Variants in ANXA13 observed in about 807,000 individuals in gnomAD.
ANXA13 encodes annexin A13.
In ANXA13, 36 loss-of-function variants were observed where a neutral mutation model predicts 46.6. The observed-to-expected ratio is 0.77, with a 90% CI of 0.59 to 1.02. The LOEUF is 1.02. Ranked by LOEUF, ANXA13 falls within the 50% of genes least tolerant of loss-of-function variation. ANXA13 has a pLI of 0.00. For synonymous variants in ANXA13, 163 were observed against 152.9 expected (o/e 1.07, Z -0.49); for missense variants, 417 against 396.5 (o/e 1.05, Z -0.44).
rs1352909025 is a variant in ANXA13 at position 123,702,650 on chromosome 8, A to C, written c.178T>G (p.Tyr60Asp). The C allele has an allele frequency of 6.2e-7, 1 of 1,614,092 alleles. No homozygotes were observed. Among genetic ancestry groups the C allele is most frequent in the Non-Finnish European group, 8.5e-7 (1 of 1,179,958 alleles). ...QQIKQKYKAT[Y>D]GKELEEVLKS... ...ACCACCCCTGGAATCACCTTGCCGTACGTTGCCTTGTACTTTTGCTTGATT... is the reference window on the plus strand; with the variant it reads ...ACCACCCCTGGAATCACCTTGCCGTCCGTTGCCTTGTACTTTTGCTTGATT... The change falls in exon 3 of 11, where the codon TAC becomes GAC. Residue 60 changes from tyrosine (Y) to aspartate (D), a missense_variant. Physicochemically the swap from Tyr to Asp is radical, Grantham distance 160. Transcript: ENST00000419625.
At chr8:123,694,620 G>A (rs971583749) in intron 6 of ANXA13, among the ~76,000 whole-genome samples, 1 of 152,158 alleles carries the variant, frequency 6.6e-6, no homozygotes, top group Non-Finnish European at 1.5e-5. Context: ...AATGAGCTTG[G>A]AAGAAGACTC....
Position 123,681,300 on chromosome 8 carries a change from G to T in ANXA13, c.891C>A (p.Asp297Glu). 1.9e-6 allele frequency: 3 copies of T among 1,614,170 alleles called. No individual in the cohort carries two copies. The highest frequency in any genetic ancestry group is 2.5e-6 in the Non-Finnish European group (3 of 1,179,980). The change falls in exon 11 of 11, where the codon GAC becomes GAA. Residue 297 changes from aspartate (D) to glutamate (E), a missense_variant. Asp to Glu is a conservative substitution (Grantham distance 45). Transcript: ENST00000419625. ...FQEKYQKSLS[D>E]MVRSDTSGDF... ...CCCCGGAGGTATCTGAGCGAACCATGTCAGAGAGAGACTTCTGATACTTCT... is the reference window on the plus strand; with the variant it reads ...CCCCGGAGGTATCTGAGCGAACCATTTCAGAGAGAGACTTCTGATACTTCT...
chr8:123,695,433 A>T, intron 6 of ANXA13, 69 bp downstream of exon 6: 7 of 1,200,218 alleles, frequency 5.8e-6, no homozygotes, highest in Admixed American at 1.9e-5. Context: ...ACCCTTTTTC[A>T]TCATGGTGCC....
At chr8:123,705,554 T>C (rs1267457763) in intron 2 of ANXA13, among the ~76,000 whole-genome samples, 1 of 152,160 alleles carries the variant, frequency 6.6e-6, no homozygotes, top group Non-Finnish European at 1.5e-5. Context: ...ATCACTGCAG[T>C]GATTATCCAA....
At chr8:123,700,050 GCCTGGGAGAAAAA>G (rs1013550213) in intron 3 of ANXA13, among the ~76,000 whole-genome samples, 1 of 152,204 alleles carries the variant, frequency 6.6e-6, no homozygotes, top group African/African-American at 2.4e-5. Flanking sequence ...TGAGCTCTTG[GCCTGGGAGAAAAA>G]CCCGGAATAT....
At chr8:123,710,323 A>G (rs1469020734) in intron 2 of ANXA13, among the ~76,000 whole-genome samples, 1 of 152,206 alleles carries the variant, frequency 6.6e-6, no homozygotes, top group East Asian at 1.9e-4. Context: ...CTGTGGAGAC[A>G]GAAAGCTGAT....
Position 123,681,031 on chromosome 8 carries a change from A to C in ANXA13, c.*209T>G. The stretch of plus-strand genomic sequence containing the variant: ...TGAAGAGGCAGCCTAGATGCTTGCT[A>C]AGCCAGAGTTCAAGGTGCCCTGCCC... On this transcript the variant is annotated 3_prime_UTR_variant, in exon 11 of 11. Transcript: ENST00000419625. 1.8e-6 allele frequency: 1 copy of C among 553,464 alleles called. No homozygotes were observed. The highest frequency in any genetic ancestry group is 3.1e-6 in the Non-Finnish European group (1 of 323,496). The allele number at this position is 553,464 out of a possible 1,614,324, so 34.3% of individuals were successfully genotyped here.
At chr8:123,702,991 T>C (rs1294303523) in intron 2 of ANXA13, among the ~76,000 whole-genome samples, 2 of 152,174 alleles carry the variant, frequency 1.3e-5, no homozygotes, top group East Asian at 1.9e-4. Flanking sequence ...GGAACGAGTA[T>C]GGCTGGTTCC....
At chr8:123,704,033 G>A (rs921627705) in intron 2 of ANXA13, among the ~76,000 whole-genome samples, 83 of 152,152 alleles carry the variant, frequency 5.5e-4, no homozygotes, top group African/African-American at 2.0e-3. Flanking sequence ...CTAAGATGAG[G>A]GTAATAGTAT....
rs1339609247 is a variant in ANXA13 at position 123,690,356 on chromosome 8, T to G, written c.643-1410A>C. Among the ~76,000 whole-genome samples, 1 of 152,248 alleles carries G rather than the reference T, an allele frequency of 6.6e-6. No homozygotes were observed. The highest frequency in any genetic ancestry group is 1.9e-4 in the East Asian group (1 of 5,202). ...ATGAAAGCAGAAAGCAGAGCTGTGC[T>G]GGGAGGCGGGAGGTGGGCTCCTTTC... On this transcript the variant is annotated intron_variant, in intron 8 of 10. Transcript: ENST00000419625. This position sits in a 1 kb window ranked among gnomAD's most constrained non-coding sequence, Gnocchi z 4.6.
chr8:123,698,964 T>C (rs1321597365), intron 3 of ANXA13, among the ~76,000 whole-genome samples: 1 of 152,176 alleles, frequency 6.6e-6, no homozygotes, highest in Non-Finnish European at 1.5e-5. Flanking sequence ...CTGTTATCTC[T>C]AGGACTGGAG....
intron 3 of ANXA13, among the ~76,000 whole-genome samples, chr8:123,700,856 T>C (rs1474320944): frequency 6.6e-6 from 1 of 151,956 alleles, no homozygotes; most frequent in African/African-American, 2.4e-5. Context: ...AGGGTCTCTC[T>C]CTGTCACCCA....
intron 9 of ANXA13, 144 bp downstream of exon 9, chr8:123,688,727 G>T (rs2129829014): frequency 1.5e-6 from 1 of 688,780 alleles, no homozygotes; most frequent in East Asian, 2.7e-5. Flanking sequence ...CTACATCACA[G>T]TCACTCTCTC....
At chr8:123,722,346 GAAA>G (rs1437511647) in intron 1 of ANXA13, among the ~76,000 whole-genome samples, 1 of 36,208 alleles carries the variant, frequency 2.8e-5, no homozygotes, top group East Asian at 4.6e-4. Context: ...GAAAAGAAAA[GAAA>G]GAAAGAAAGA....
chr8:123,691,902 C>G (rs1300494105), intron 8 of ANXA13, among the ~76,000 whole-genome samples: 1 of 152,142 alleles, frequency 6.6e-6, no homozygotes, highest in East Asian at 1.9e-4. Flanking sequence ...CACACGTACC[C>G]AGAAACTCCA....
At chr8:123,688,780 T>G (rs1322043918) in intron 9 of ANXA13, 91 bp downstream of exon 9, 2 of 1,152,236 alleles carry the variant, frequency 1.7e-6, no homozygotes, top group Admixed American at 3.4e-5. Context: ...CCAAAAGCTA[T>G]TCCCTCAAAT....
chr8:123,697,814 C>T (rs1586319137), intron 4 of ANXA13, among the ~76,000 whole-genome samples: 1 of 152,164 alleles, frequency 6.6e-6, no homozygotes, highest in East Asian at 1.9e-4. Context: ...AAATAGTTCT[C>T]CATGGGGCCT....
intron 1 of ANXA13, chr8:123,727,661 A>C: frequency 1.0e-5 from 1 of 97,816 alleles, no homozygotes; most frequent in Non-Finnish European, 1.9e-5. Context: ...ACACACACAA[A>C]TAATTACCTG....
At chr8:123,709,619 A>G (rs1416241226) in intron 2 of ANXA13, among the ~76,000 whole-genome samples, 1 of 152,186 alleles carries the variant, frequency 6.6e-6, no homozygotes, top group African/African-American at 2.4e-5. Flanking sequence ...ATAATGGAAC[A>G]CTAGGCATAA....
Sources: gnomAD v4.1 joint callset for allele counts (sites outside exome capture counted in the v4.1 genomes callset) on GRCh38, gnomAD v4.1.1 for gene constraint, Gnocchi (gnomAD v3.1) non-coding constraint, MANE v1.5 for transcripts, NCBI Gene and HGNC (gene_info 2026-07-23, HGNC 2026-07-21) for gene names.